The following GPC3 variants were observed in gnomAD, a reference collection of about 807,000 sequenced individuals.
The protein encoded by GPC3 is glypican 3.
In GPC3, 3 loss-of-function variants were observed where a neutral mutation model predicts 34.4. The ratio of observed to expected loss-of-function variants is 0.09; its 90% CI spans 0.04 to 0.23. The LOEUF is 0.23. GPC3 is among the 10% of genes least tolerant of loss of function. The pLI is 1.00. For synonymous variants in GPC3, 177 were observed against 174.0 expected (o/e 1.02, Z -0.13); for missense variants, 351 against 445.6 (o/e 0.79, Z 1.91).
intron 6 of GPC3, among the ~76,000 whole-genome samples, chrX:133,641,297 G>A (rs375743352): frequency 1.8e-5 from 2 of 109,800 alleles, no homozygotes; most frequent in African/African-American, 3.3e-5. Context: ...CCAACATGGC[G>A]AAACCCCGTG....
intron 2 of GPC3, among the ~76,000 whole-genome samples, chrX:133,769,210 T>C (rs756774960): frequency 1.7e-4 from 19 of 111,718 alleles, no homozygotes; most frequent in Admixed American, 1.0e-3. Context: ...GAGAGAGGAA[T>C]GGTGGTTTTC....
intron 6 of GPC3, among the ~76,000 whole-genome samples, chrX:133,597,479 C>A (rs956328648): frequency 1.8e-5 from 2 of 111,797 alleles, no homozygotes; most frequent in African/African-American, 6.5e-5. Context: ...AGATCCAACC[C>A]CTACTTTTAA....
At chrX:133,544,467 ATGCTTCACTATT>A (rs1244754531) in intron 7 of GPC3, among the ~76,000 whole-genome samples, 1 of 111,863 alleles carries the variant, frequency 8.9e-6, no homozygotes, top group Admixed American at 9.5e-5. Flanking sequence ...ACCACCAGCT[ATGCTTCACTATT>A]ATGTGTAGCC....
At chrX:133,548,752 C>T (rs2069407784) in intron 7 of GPC3, among the ~76,000 whole-genome samples, 1 of 111,113 alleles carries the variant, frequency 9.0e-6, no homozygotes, top group African/African-American at 3.3e-5. Flanking sequence ...AATTGAATCA[C>T]GGGGGCAGGT....
chrX:133,670,909 A>G, intron 5 of GPC3: 1 of 364,526 alleles, frequency 2.7e-6, no homozygotes, highest in Non-Finnish European at 4.8e-6. Flanking sequence ...TTCTTTATTT[A>G]TGCACATATC....
intron 2 of GPC3, among the ~76,000 whole-genome samples, chrX:133,861,847 A>T (rs967465209): frequency 3.6e-5 from 4 of 111,605 alleles, no homozygotes; most frequent in African/African-American, 9.8e-5. Context: ...CCTCCCCAGA[A>T]GCAGATGCTA....
At chrX:133,755,074 C>A (rs1296450997) in intron 2 of GPC3, among the ~76,000 whole-genome samples, 2 of 111,616 alleles carry the variant, frequency 1.8e-5, no homozygotes, top group Non-Finnish European at 3.8e-5. Flanking sequence ...CATCCCAGAC[C>A]CAAATTATTT....
At chrX:133,730,756 A>G (rs1194316734) in intron 3 of GPC3, among the ~76,000 whole-genome samples, 1 of 111,610 alleles carries the variant, frequency 9.0e-6, no homozygotes, top group Non-Finnish European at 1.9e-5. Context: ...AGAAGATACA[A>G]TAAGTCTAAA....
chrX:133,706,966 A>G (rs925705694), intron 3 of GPC3, among the ~76,000 whole-genome samples: 12 of 112,161 alleles, frequency 1.1e-4, no homozygotes, highest in Non-Finnish European at 1.9e-4. Flanking sequence ...GTGCTCATCA[A>G]TGGTGGACTG....
intron 7 of GPC3, among the ~76,000 whole-genome samples, chrX:133,545,285 A>G (rs1219999856): frequency 9.0e-6 from 1 of 111,602 alleles, no homozygotes; most frequent in Non-Finnish European, 1.9e-5. Flanking sequence ...TAAAGACTGA[A>G]AAGAAGCCAC....
chrX:133,795,943 CT>C (rs753300332), intron 2 of GPC3, among the ~76,000 whole-genome samples: 2,768 of 84,793 alleles, frequency 0.033, 57 homozygotes, highest in African/African-American at 0.11. Flanking sequence ...TTTCTTTTTC[CT>C]TTTTTTTTTT....
chrX:133,733,265 A>G (rs935402566), intron 3 of GPC3, among the ~76,000 whole-genome samples: 7 of 110,711 alleles, frequency 6.3e-5, no homozygotes, highest in African/African-American at 2.3e-4. Flanking sequence ...AAAGTGATAT[A>G]ATGGACTTTA....
chrX:133,966,052 C>T (rs746839083), intron 1 of GPC3, among the ~76,000 whole-genome samples: 30 of 111,873 alleles, frequency 2.7e-4, no homozygotes, highest in Non-Finnish European at 4.1e-4. Flanking sequence ...ACTACTTTAA[C>T]AGCAATAGTC....
intron 1 of GPC3, among the ~76,000 whole-genome samples, chrX:133,959,693 A>G (rs189113040): frequency 4.4e-5 from 5 of 112,711 alleles, no homozygotes. Context: ...TGAAGCTCTT[A>G]GTCTTTTTGA....
intron 6 of GPC3, among the ~76,000 whole-genome samples, chrX:133,614,983 C>G (rs1220982481): frequency 1.8e-5 from 2 of 111,648 alleles, no homozygotes; most frequent in Non-Finnish European, 1.9e-5. Flanking sequence ...ACACAAACTA[C>G]TAAAACTGAC....
chrX:133,656,050 A>T (rs1479546684), intron 6 of GPC3, among the ~76,000 whole-genome samples: 1 of 111,987 alleles, frequency 8.9e-6, no homozygotes, highest in East Asian at 2.8e-4. Flanking sequence ...ACCATTTAAC[A>T]TCATTCTATG....
At chrX:133,832,064 C>G (rs541030459) in intron 2 of GPC3, among the ~76,000 whole-genome samples, 28 of 111,242 alleles carry the variant, frequency 2.5e-4, no homozygotes, top group African/African-American at 7.2e-4. Flanking sequence ...GGGTGGATCA[C>G]CTGAGGTCAG....
intron 3 of GPC3, among the ~76,000 whole-genome samples, chrX:133,742,083 A>G (rs1448503392): frequency 8.9e-6 from 1 of 112,691 alleles, no homozygotes. Context: ...GAAGGAATGC[A>G]TTAGAGAACT....
chrX:133,607,577 A>G (rs1280401488), intron 6 of GPC3, among the ~76,000 whole-genome samples: 1 of 111,900 alleles, frequency 8.9e-6, no homozygotes. Flanking sequence ...CTATTCATTG[A>G]CTTGATTTTT....
Sources: allele counts gnomAD v4.1 joint callset (sites outside exome capture counted in the v4.1 genomes callset), GRCh38; gene constraint gnomAD v4.1.1; transcripts MANE v1.5; gene names NCBI Gene and HGNC (gene_info 2026-07-23, HGNC 2026-07-21).